DCLK2: variants seen among roughly 807,000 people sequenced by gnomAD.
DCLK2 encodes serine/threonine-protein kinase DCLK2.
DCLK2 carries 31 observed loss-of-function variants against 78.4 expected under a neutral mutation model. The observed-to-expected ratio is 0.40, with a 90% CI of 0.30 to 0.53. DCLK2 has a LOEUF of 0.53. Ranked by LOEUF, DCLK2 falls within the 20% of genes least tolerant of loss-of-function variation. DCLK2 has a pLI of 0.61. For synonymous variants in DCLK2, 407 were observed against 374.9 expected (o/e 1.09, Z -0.99); for missense variants, 872 against 973.7 (o/e 0.90, Z 1.39).
At chr4:150,133,941 C>A in intron 2 of DCLK2, among the ~76,000 whole-genome samples, 1 of 152,014 alleles carries the variant, frequency 6.6e-6, no homozygotes, top group Admixed American at 6.6e-5. Context: ...TTGTCCAGTT[C>A]TAATTATTTG....
At chr4:150,205,785 C>T (rs377454286) in intron 5 of DCLK2, among the ~76,000 whole-genome samples, 9 of 152,324 alleles carry the variant, frequency 5.9e-5, no homozygotes, top group Non-Finnish European at 8.8e-5. Flanking sequence ...AACGCAAAAG[C>T]GAGTGGCTCC....
At chr4:150,214,048 A>G (rs899030030) in intron 5 of DCLK2, among the ~76,000 whole-genome samples, 2 of 152,214 alleles carry the variant, frequency 1.3e-5, no homozygotes, top group Non-Finnish European at 1.5e-5. Context: ...TACTCACTTC[A>G]TGACTTGGTA....
At chr4:150,254,243 G>A (rs373629187) in intron 15 of DCLK2, among the ~76,000 whole-genome samples, 32 of 152,334 alleles carry the variant, frequency 2.1e-4, no homozygotes, top group Admixed American at 7.2e-4. Flanking sequence ...TGCCTTCTTC[G>A]CTGGGGGATT....
intron 5 of DCLK2, among the ~76,000 whole-genome samples, chr4:150,214,278 C>G (rs1740516934): frequency 6.6e-6 from 1 of 152,156 alleles, no homozygotes. Flanking sequence ...TTTAAAAAAT[C>G]CTGATACCTG....
intron 2 of DCLK2, among the ~76,000 whole-genome samples, chr4:150,109,571 T>A (rs761153025): frequency 2.0e-5 from 3 of 152,184 alleles, no homozygotes; most frequent in Non-Finnish European, 4.4e-5. Flanking sequence ...TCTCCTGACA[T>A]CGTGTTCCGC....
intron 2 of DCLK2, among the ~76,000 whole-genome samples, chr4:150,126,930 C>T (rs761258512): frequency 6.6e-6 from 1 of 152,106 alleles, no homozygotes; most frequent in Non-Finnish European, 1.5e-5. Context: ...CTGTCTTTGT[C>T]TCTCATGATC....
chr4:150,096,918 C>T (rs9784476), intron 1 of DCLK2, among the ~76,000 whole-genome samples: 28 of 151,938 alleles, frequency 1.8e-4, no homozygotes, highest in Non-Finnish European at 2.2e-4. Context: ...TGGGGCTGGG[C>T]GGTTCATGTG....
At chr4:150,208,043 A>G (rs1340663045) in intron 5 of DCLK2, among the ~76,000 whole-genome samples, 2 of 152,164 alleles carry the variant, frequency 1.3e-5, no homozygotes, top group African/African-American at 4.8e-5. Context: ...CCGACTTGAT[A>G]GGCTTATTGC....
At chr4:150,105,946 T>C (rs1731219851) in intron 2 of DCLK2, among the ~76,000 whole-genome samples, 1 of 152,044 alleles carries the variant, frequency 6.6e-6, no homozygotes, top group South Asian at 2.1e-4. Flanking sequence ...TGTTCTGATA[T>C]CCACTACTAC....
intron 2 of DCLK2, among the ~76,000 whole-genome samples, chr4:150,153,747 A>G (rs770046715): frequency 4.6e-5 from 7 of 152,064 alleles, no homozygotes; most frequent in Non-Finnish European, 7.4e-5. Context: ...AGTCTGTATT[A>G]GGACTCTTTC....
chr4:150,206,193 C>G lies in DCLK2; in HGVS notation c.1056+2304C>G, dbSNP rs1248683352. Among the ~76,000 whole-genome samples the G allele has an allele frequency of 2.6e-5, 4 of 152,144 alleles. 1 individual carries two copies. The highest frequency in any genetic ancestry group is 5.9e-5 in the Non-Finnish European group (4 of 68,028). ...CACACACCTGCCTCACACATGCATG[C>G]ATACTTGTGCAGGGTCACTCACATT... On this transcript the variant is annotated intron_variant, in intron 5 of 15. Transcript: ENST00000296550.
chr4:150,108,652 A>T (rs536516876), intron 2 of DCLK2, among the ~76,000 whole-genome samples: 59 of 152,290 alleles, frequency 3.9e-4, no homozygotes, highest in African/African-American at 1.3e-3. Flanking sequence ...TTTTTGAAAG[A>T]GTGACATTCT....
intron 2 of DCLK2, among the ~76,000 whole-genome samples, chr4:150,192,688 G>A (rs79362697): frequency 0.019 from 2,936 of 152,102 alleles, 90 homozygotes; most frequent in African/African-American, 0.067. Context: ...ATTAATCCTC[G>A]AAACAACCCA....
At chr4:150,106,529 G>A (rs1208256097) in intron 2 of DCLK2, among the ~76,000 whole-genome samples, 1 of 151,906 alleles carries the variant, frequency 6.6e-6, no homozygotes, top group Non-Finnish European at 1.5e-5. Flanking sequence ...TAAACTGTCT[G>A]CCTAAATTTT....
intron 2 of DCLK2, among the ~76,000 whole-genome samples, chr4:150,122,710 A>G (rs181166238): frequency 6.6e-6 from 1 of 152,284 alleles, no homozygotes; most frequent in East Asian, 1.9e-4. Flanking sequence ...TATGTAACAA[A>G]CCTGCACATT....
chr4:150,111,559 A>G lies in DCLK2; in HGVS notation c.756+8747A>G, dbSNP rs115385160. 7.5e-3 allele frequency among the ~76,000 whole-genome samples: 1,027 copies of G among 137,732 alleles called. 4 individuals carry two copies. The highest frequency in any genetic ancestry group is 0.013 in the Non-Finnish European group (782 of 61,244). 90.4% of individuals were successfully genotyped at this position (137,732 alleles called of 152,430 possible). A position where few individuals can be genotyped will look rare whatever the true frequency, so the allele number is the denominator to read the frequency against. ...AGTCACAATTTCTTTACCTAGGCCAATGTCCAGAAGAGCTTTTCCCTAGGT... is the reference window on the plus strand; with the variant it reads ...AGTCACAATTTCTTTACCTAGGCCAGTGTCCAGAAGAGCTTTTCCCTAGGT... On this transcript the variant is annotated intron_variant, in intron 2 of 15. Transcript: ENST00000296550.
At chr4:150,236,939 G>T (rs765922401) in intron 10 of DCLK2, among the ~76,000 whole-genome samples, 1 of 152,074 alleles carries the variant, frequency 6.6e-6, no homozygotes, top group African/African-American at 2.4e-5. Context: ...CTTTATAGAG[G>T]ATGTGAAAAA....
chr4:150,140,054 A>C (rs1294242805), intron 2 of DCLK2, among the ~76,000 whole-genome samples: 1 of 152,218 alleles, frequency 6.6e-6, no homozygotes, highest in East Asian at 1.9e-4. Context: ...ATGACATAAA[A>C]ATTTTTAATG....
intron 2 of DCLK2, among the ~76,000 whole-genome samples, chr4:150,143,742 C>T (rs1734262535): frequency 6.6e-6 from 1 of 152,106 alleles, no homozygotes; most frequent in Admixed American, 6.6e-5. Context: ...TAATAGTAGC[C>T]ATTCTGACTG....
Sources: allele counts gnomAD v4.1 joint callset (sites outside exome capture counted in the v4.1 genomes callset), GRCh38; gene constraint gnomAD v4.1.1; transcripts MANE v1.5; gene names NCBI Gene and HGNC (gene_info 2026-07-23, HGNC 2026-07-21).